The following UVSSA variants were observed in gnomAD, a reference collection of about 807,000 sequenced individuals.
UVSSA encodes the protein UV stimulated scaffold protein A, also known as UV-stimulated scaffold protein A.
A neutral mutation model predicts 73.9 loss-of-function variants in UVSSA; 72 were observed. The observed-to-expected ratio is 0.97, with a 90% CI of 0.81 to 1.19. The LOEUF (loss-of-function observed/expected upper bound fraction) is 1.19, where lower values mean the gene tolerates loss of function less well. Ranked by LOEUF, UVSSA falls within the 50% of genes most tolerant of loss-of-function variation. The probability of loss-of-function intolerance (pLI) is 0.00; values close to 1 mark genes in which losing one functional copy is unlikely to be tolerated. For synonymous variants in UVSSA, 454 were observed against 391.3 expected, an observed-to-expected ratio of 1.16 and a Z score of -1.89; for missense variants, 1,150 against 965.0, an observed-to-expected ratio of 1.19 and a Z score of -2.54.
intron 7 of UVSSA, among the ~76,000 whole-genome samples, chr4:1,358,789 G>A (rs922676258): frequency 6.6e-6 from 1 of 152,246 alleles, no homozygotes; most frequent in Non-Finnish European, 1.5e-5. Flanking sequence ...ACTTCCCTCC[G>A]TGTCTCCCCA....
Position 1,376,058 on chromosome 4 carries a change from A to G in UVSSA, c.1458A>G (p.Pro486=), listed in dbSNP as rs761001393. The G allele has an allele frequency of 3.1e-6, 5 of 1,600,030 alleles. 1 individual carries two copies. In the South Asian group the frequency reaches 5.6e-5, roughly 18 times the overall value. Residue 486 remains proline (P), a synonymous_variant, in exon 10 of 14, where the codon CCA becomes CCG. Coordinates refer to ENST00000389851, the MANE Select transcript of UVSSA (RefSeq NM_020894.4). ...SASPSRALPE[P]QEAQKLAAER... ...GCCCCTCCAGAGCGTTGCCAGAGCC[A>G]CAGGAGGCCCAGAAGCTGGCAGCAG... is the stretch of plus-strand genomic sequence containing the variant.
intron 2 of UVSSA, 116 bp from the exon 3 acceptor site, chr4:1,349,408 T>C (rs1714307054): frequency 1.0e-6 from 1 of 976,698 alleles, no homozygotes; most frequent in Non-Finnish European, 1.5e-6. Flanking sequence ...AGAATGAAGA[T>C]GGGAAGGCAG....
At chr4:1,348,241 C>A in intron 2 of UVSSA, 52 bp downstream of exon 2, 2 of 1,419,912 alleles carry the variant, frequency 1.4e-6, no homozygotes, top group Non-Finnish European at 2.0e-6. Context: ...GAGCCCAGGA[C>A]ACACACAGGG....
At chr4:1,372,549 C>A (rs1303488122) in intron 8 of UVSSA, among the ~76,000 whole-genome samples, 1 of 152,210 alleles carries the variant, frequency 6.6e-6, no homozygotes, top group Admixed American at 6.5e-5. Flanking sequence ...CCACGTGTGG[C>A]CTCCTTCCAC....
In UVSSA at chr4:1,386,040, T is replaced by TGGGC. The variant is rs1412300930; in HGVS notation, c.*80_*83dup. 4 of 1,436,274 alleles carry TGGGC rather than the reference T, an allele frequency of 2.8e-6. No individual in the cohort carries two copies. The highest frequency in any genetic ancestry group is 3.9e-6 in the Non-Finnish European group (4 of 1,020,542). 89.0% of individuals were successfully genotyped at this position (1,436,274 alleles called of 1,614,324 possible). ...CAGGACAGCAGAGTGGGCGTGGGTC[T>TGGGC]GGGCAGTAACCATGCTTTGTCTATT... On this transcript the variant is annotated 3_prime_UTR_variant, in exon 14 of 14. Coordinates refer to ENST00000389851, the MANE Select transcript of UVSSA (RefSeq NM_020894.4).
Position 1,355,158 on chromosome 4 carries a change from T to C in UVSSA, c.1089T>C (p.Arg363=), listed in dbSNP as rs144288420. The C allele has an allele frequency of 1.1e-4, 180 of 1,613,736 alleles. 1 individual carries two copies. Among genetic ancestry groups the C allele is most frequent in the Non-Finnish European group, 1.4e-4 (169 of 1,179,920 alleles). Residue 363 remains arginine (R), a synonymous_variant, in exon 7 of 14, where the codon CGT becomes CGC. Transcript: ENST00000389851. The part of the protein sequence containing the change: ...RVGTHGGCLK[R]AIDLKAELEL... ...GGACCCACGGTGGATGTTTAAAGCG[T>C]GCCATTGACCTGAAGGCTGAATTGG...
rs766555716 is a variant in UVSSA, at chr4:1,376,176, C to T, written c.1568+8C>T. ...AGCCGGGAAGATTGTCAAGTGAGTC[C>T]CCATGTGTCTGAAGTCGGCCAGGGC... On this transcript the variant is annotated splice_region_variant and intron_variant, in intron 10 of 13. Transcript: ENST00000389851. 17 of 1,605,546 alleles carry T rather than the reference C, an allele frequency of 1.1e-5. No homozygotes were observed. The East Asian group carries it at 1.3e-4, about 13-fold the overall frequency.
exon 14 of UVSSA, chr4:1,393,221 A>G (rs1322647161): frequency 6.6e-6 from 1 of 152,212 alleles, no homozygotes; most frequent in East Asian, 1.9e-4. Context: ...AAGCTGCTCT[A>G]GTGAATTTTT....
At chr4:1,379,477 C>CACCTGGGACGCCTGGGAG (rs879714134) in intron 10 of UVSSA, among the ~76,000 whole-genome samples, 8 of 144,354 alleles carry the variant, frequency 5.5e-5, no homozygotes, top group Admixed American at 2.1e-4. Flanking sequence ...GGAGCGGACG[C>CACCTGGGACGCCTGGGAG]ACCTGGGACG....
chr4:1,369,895 AGGCG>A (rs1427603046), intron 8 of UVSSA, among the ~76,000 whole-genome samples: 2 of 152,258 alleles, frequency 1.3e-5, no homozygotes, highest in African/African-American at 4.8e-5. Context: ...CGTGCGGGCA[AGGCG>A]GGCGCCGCGT....
upstream of UVSSA, among the ~76,000 whole-genome samples, chr4:1,346,822 G>A (rs985249872): frequency 6.6e-6 from 1 of 152,164 alleles, no homozygotes; most frequent in Non-Finnish European, 1.5e-5. Context: ...CCCGCCCCCG[G>A]CGCCCGTACA....
At chr4:1,392,431 C>T (rs1577395397), downstream of UVSSA, 1 of 152,322 alleles carries the variant, frequency 6.6e-6, no homozygotes, top group East Asian at 1.9e-4. Context: ...GTGTCTTGGA[C>T]TTCAGCCTCA....
At chr4:1,342,949 T>C (rs893451239), upstream of UVSSA, among the ~76,000 whole-genome samples, 1 of 152,182 alleles carries the variant, frequency 6.6e-6, no homozygotes, top group Non-Finnish European at 1.5e-5. Context: ...TTTTTCAGAA[T>C]GGTCTTGGTG....
intron 4 of UVSSA, among the ~76,000 whole-genome samples, 179 bp from the exon 5 acceptor site, chr4:1,352,851 G>A (rs1715001753): frequency 6.6e-6 from 1 of 152,202 alleles, no homozygotes; most frequent in South Asian, 2.1e-4. Flanking sequence ...AGGCTGAGGC[G>A]GCTGCACTAC....
chr4:1,360,803 C>T (rs1304643137), intron 7 of UVSSA, among the ~76,000 whole-genome samples: 1 of 152,184 alleles, frequency 6.6e-6, no homozygotes, highest in African/African-American at 2.4e-5. Context: ...TTTGGAGGCC[C>T]CAGATGTTCT....
chr4:1,395,786 T>G (rs777449463), exon 14 of UVSSA: 1 of 1,614,110 alleles, frequency 6.2e-7, no homozygotes, highest in African/African-American at 1.3e-5. Flanking sequence ...CTACTCATGG[T>G]GGCTTTTTAA....
Position 1,353,157 on chromosome 4 carries a change from C to T in UVSSA, c.678C>T (p.Ala226=), listed in dbSNP as rs371958204. 2 of 1,613,010 alleles carry T rather than the reference C, an allele frequency of 1.2e-6. No homozygotes were observed. The highest frequency in any genetic ancestry group is 1.7e-6 in the Non-Finnish European group (2 of 1,180,018). The change falls in exon 5 of 14, where the codon GCC becomes GCT. Residue 226 remains alanine (A), a synonymous_variant. Transcript: ENST00000389851. ...GCATGGCTTCTGGCATGTCCGATGC[C>T]CTTCGCTCCTCCTGCGCGGGCCAGG... is the stretch of plus-strand genomic sequence containing the variant. ...SLGMASGMSD[A]LRSSCAGQVG...
In UVSSA at chr4:1,387,900, C is replaced by G. The variant is rs1320532734; in HGVS notation, c.*1939C>G. ...AGGCTGTTTTGACTCTTCTGCATCT[C>G]TTGCATTTCCAAATGAATTTTAGGA... On this transcript the variant is annotated 3_prime_UTR_variant, in exon 14 of 14. Transcript: ENST00000389851. 6.6e-6 allele frequency: 1 copy of G among 150,440 alleles called. No individual in the cohort carries two copies. The highest frequency in any genetic ancestry group is 1.5e-5 in the Non-Finnish European group (1 of 67,826). 9.3% of individuals were successfully genotyped at this position (150,440 alleles called of 1,614,324 possible). A position where few individuals can be genotyped will look rare whatever the true frequency, so the allele number is the denominator to read the frequency against.
chr4:1,393,524 C>T (rs1720452884), exon 14 of UVSSA: 1 of 151,740 alleles, frequency 6.6e-6, no homozygotes, highest in Non-Finnish European at 1.5e-5. Flanking sequence ...CATTGTACTC[C>T]AGCCTGGGCC....
Sources: gnomAD v4.1 joint callset for allele counts (sites outside exome capture counted in the v4.1 genomes callset) on GRCh38, gnomAD v4.1.1 for gene constraint, MANE v1.5 for transcripts, NCBI Gene and HGNC (gene_info 2026-07-23, HGNC 2026-07-21) for gene names.